Variants in NOL4 observed in about 807,000 individuals in gnomAD.
NOL4 encodes the protein nucleolar protein 4.
In NOL4, 17 loss-of-function variants were observed where a neutral mutation model predicts 75.9. The ratio of observed to expected loss-of-function variants is 0.22; its 90% CI spans 0.15 to 0.34. NOL4 has a LOEUF of 0.34. Among genes scored for constraint, NOL4 ranks in the 10% least tolerant of loss-of-function variants. The probability of loss-of-function intolerance (pLI) is 1.00; values close to 1 mark genes in which losing one functional copy is unlikely to be tolerated. For missense variants in NOL4, 614 were observed against 793.5 expected (o/e 0.77, Z 2.72); for synonymous variants, 292 against 289.9 (o/e 1.01, Z -0.07).
chr18:34,068,201 G>C (rs1440630577), intron 5 of NOL4, among the ~76,000 whole-genome samples: 2 of 152,058 alleles, frequency 1.3e-5, no homozygotes, highest in Non-Finnish European at 2.9e-5. Flanking sequence ...TTGCAGGGCT[G>C]GGGAAATCAG....
intron 1 of NOL4, among the ~76,000 whole-genome samples, chr18:34,179,357 T>C (rs1363029833): frequency 6.6e-6 from 1 of 151,256 alleles, no homozygotes; most frequent in Non-Finnish European, 1.5e-5. Context: ...TAATAGTGAT[T>C]ATAGTAGAAA....
At chr18:34,122,423 T>A (rs760178948) in intron 2 of NOL4, among the ~76,000 whole-genome samples, 1 of 152,076 alleles carries the variant, frequency 6.6e-6, no homozygotes, top group African/African-American at 2.4e-5. Flanking sequence ...AAGCTTTTCA[T>A]TACCTGATTA....
In NOL4 at chr18:34,019,532, G is replaced by A; in HGVS notation, c.842C>T (p.Thr281Ile). ...LGHSSIASGG[T>I]HSREMGDSNS... ...GGAGTCTCCCATCTCCCTGCTGTGT[G>A]TTCCCCCTGAAGCAATTGAACTGTG... Residue 281 changes from threonine (T) to isoleucine (I), a missense_variant, in exon 6 of 11, where the codon ACA becomes ATA. By Grantham distance (89) the Thr-to-Ile change is moderately conservative (BLOSUM62 -1). This residue lies in a region of NOL4 where 196 missense variants were observed against 167.9 expected (regional missense o/e 1.17). Coordinates refer to ENST00000261592, the MANE Select transcript of NOL4 (RefSeq NM_003787.5). 1 of 1,613,972 alleles carries A rather than the reference G, an allele frequency of 6.2e-7. No individual in the cohort carries two copies. The highest frequency in any genetic ancestry group is 8.5e-7 in the Non-Finnish European group (1 of 1,179,960).
intron 9 of NOL4, among the ~76,000 whole-genome samples, chr18:33,940,289 C>T (rs2068376904): frequency 6.6e-6 from 1 of 152,028 alleles, no homozygotes; most frequent in Non-Finnish European, 1.5e-5. Context: ...ATAGCAAAGA[C>T]TTGGAGCCAA....
intron 10 of NOL4, among the ~76,000 whole-genome samples, chr18:33,858,186 A>G (rs2062923053): frequency 6.6e-6 from 1 of 152,072 alleles, no homozygotes; most frequent in Non-Finnish European, 1.5e-5. Flanking sequence ...AAGAAGGCTT[A>G]TTTTTCTGGA....
At chr18:33,866,795 C>T (rs1377754576) in intron 10 of NOL4, among the ~76,000 whole-genome samples, 1 of 152,092 alleles carries the variant, frequency 6.6e-6, no homozygotes, top group Non-Finnish European at 1.5e-5. Flanking sequence ...TACTTTTTAA[C>T]TTAAGCTGAA....
At position 33,902,237 on chromosome 18, in the gene NOL4, G is replaced by T. The variant is rs185350857; in HGVS notation, c.1543-18813C>A. ...TTAAATGAGGTTTTCTTAAGGCATT[G>T]GTTTGCTCCTAATAAAATTACTAGA... is the stretch of plus-strand genomic sequence containing the variant. On this transcript the variant is annotated intron_variant, in intron 9 of 10. Coordinates refer to ENST00000261592, the MANE Select transcript of NOL4 (RefSeq NM_003787.5). Among the ~76,000 whole-genome samples, 45 of 151,884 alleles carry T rather than the reference G, an allele frequency of 3.0e-4. No individual in the cohort carries two copies. In the South Asian group the frequency reaches 5.0e-3, roughly 17 times the overall value.
intron 5 of NOL4, among the ~76,000 whole-genome samples, chr18:34,028,078 T>C (rs955975451): frequency 6.6e-6 from 1 of 152,204 alleles, no homozygotes; most frequent in Non-Finnish European, 1.5e-5. Flanking sequence ...CAATTTAAAC[T>C]CTTTGAATAA....
At chr18:34,197,881 T>C (rs1342681939) in intron 1 of NOL4, among the ~76,000 whole-genome samples, 1 of 151,864 alleles carries the variant, frequency 6.6e-6, no homozygotes, top group Admixed American at 6.6e-5. Context: ...CTTCAGAGAT[T>C]TATGGGACAA....
intron 1 of NOL4, among the ~76,000 whole-genome samples, chr18:34,208,974 C>T (rs1230139774): frequency 6.6e-6 from 1 of 151,856 alleles, no homozygotes; most frequent in Non-Finnish European, 1.5e-5. Context: ...CTTTGGGAGG[C>T]AGAGTCAGAC....
intron 6 of NOL4, among the ~76,000 whole-genome samples, chr18:33,984,810 T>C (rs1235993987): frequency 6.6e-6 from 1 of 152,104 alleles, no homozygotes; most frequent in Non-Finnish European, 1.5e-5. Flanking sequence ...ATTTTATCAT[T>C]TGAAGTAAAA....
intron 2 of NOL4, among the ~76,000 whole-genome samples, chr18:34,129,513 A>T (rs1251048590): frequency 1.3e-5 from 2 of 151,788 alleles, no homozygotes; most frequent in Non-Finnish European, 2.9e-5. Flanking sequence ...CAGTAGTGGT[A>T]GTATAAAAGT....
At chr18:34,120,726 A>C (rs757274027) in intron 2 of NOL4, among the ~76,000 whole-genome samples, 15 of 152,188 alleles carry the variant, frequency 9.9e-5, no homozygotes, top group Non-Finnish European at 1.5e-4. Context: ...GTATTCTCCA[A>C]AGATAGGGAA....
chr18:34,135,697 CAA>C (rs371169726), intron 1 of NOL4, among the ~76,000 whole-genome samples: 2 of 57,346 alleles, frequency 3.5e-5, no homozygotes, highest in Non-Finnish European at 5.7e-5. Flanking sequence ...GACTCCATCT[CAA>C]AAAAAAAAAA....
chr18:34,222,264 A>T (rs2037370450), intron 1 of NOL4: 2 of 1,375,634 alleles, frequency 1.5e-6, no homozygotes, highest in Non-Finnish European at 9.4e-7. Context: ...ACCATTCGAT[A>T]GCGCCTAAAC....
chr18:33,872,921 T>G (rs2063766755), intron 10 of NOL4, among the ~76,000 whole-genome samples: 1 of 152,016 alleles, frequency 6.6e-6, no homozygotes, highest in Admixed American at 6.6e-5. Flanking sequence ...TTCAGCAAGC[T>G]GCACACTGGC....
intron 8 of NOL4, among the ~76,000 whole-genome samples, chr18:33,951,488 T>C (rs2069217641): frequency 6.6e-6 from 1 of 152,162 alleles, no homozygotes; most frequent in Admixed American, 6.5e-5. Flanking sequence ...AGGACTAATC[T>C]ACTTATCTGT....
chr18:33,921,734 G>T (rs1420457507), intron 9 of NOL4, among the ~76,000 whole-genome samples: 1 of 152,156 alleles, frequency 6.6e-6, no homozygotes, highest in Non-Finnish European at 1.5e-5. Flanking sequence ...AATTGTGAGA[G>T]AATAAAATTC....
At chr18:33,977,362 G>GA (rs2071576262) in intron 6 of NOL4, among the ~76,000 whole-genome samples, 1 of 152,150 alleles carries the variant, frequency 6.6e-6, no homozygotes, top group African/African-American at 2.4e-5. Flanking sequence ...AATCATGGGG[G>GA]AGAGTTTTTC....
Sources: allele counts gnomAD v4.1 joint callset (sites outside exome capture counted in the v4.1 genomes callset), GRCh38; gene constraint gnomAD v4.1.1; regional missense constraint gnomAD v4.1.1; transcripts MANE v1.5; gene names NCBI Gene and HGNC (gene_info 2026-07-23, HGNC 2026-07-21).